PLK4: variants seen among roughly 807,000 people sequenced by gnomAD.
The protein encoded by PLK4 is polo like kinase 4.
PLK4 carries 51 observed loss-of-function variants against 103.0 expected under a neutral mutation model. The ratio of observed to expected loss-of-function variants is 0.50; its 90% confidence interval spans 0.40 to 0.63. The LOEUF is 0.63. Among genes scored for constraint, PLK4 ranks in the 20% least tolerant of loss-of-function variants. The pLI is 0.00. For missense variants in PLK4, 1,054 were observed against 1,151.0 expected (o/e 0.92, Z 1.22); for synonymous variants, 389 against 376.8 (o/e 1.03, Z -0.38).
Position 127,897,917 on chromosome 4 carries a change from C to T in PLK4, c.2811-522C>T, listed in dbSNP as rs1263790703. Among the ~76,000 whole-genome samples the T allele has an allele frequency of 2.3e-5, 3 of 129,434 alleles. No individual in the cohort carries two copies. The East Asian group carries it at 7.2e-4, about 31-fold the overall frequency. The allele number at this position is 129,434 out of a possible 152,430, so 84.9% of individuals were successfully genotyped here. ...GTTAGTGGTGCGACTTGGCTCACTG[C>T]AACTTCTGCCTCCTGGGTTCAAGCA... On this transcript the variant is annotated intron_variant, in intron 15 of 15. Coordinates refer to ENST00000270861, the MANE Select transcript of PLK4 (RefSeq NM_014264.5).
chr4:127,886,771 T>C lies in PLK4; in HGVS notation c.1358+43T>C, dbSNP rs762067355. On this transcript the variant is annotated intron_variant, in intron 5 of 15. Coordinates refer to ENST00000270861, the MANE Select transcript of PLK4 (RefSeq NM_014264.5). ...AGAGGCATTTTGTTTTTTGGTAACA[T>C]TATACTAGTATAAATATGAAGCTGC... 18 of 1,220,462 alleles carry C rather than the reference T, an allele frequency of 1.5e-5. 1 individual carries two copies. The highest frequency in any genetic ancestry group is 1.4e-4 in the East Asian group (6 of 42,768). The allele number at this position is 1,220,462 out of a possible 1,614,324, so 75.6% of individuals were successfully genotyped here.
chr4:127,894,854 A>T lies in PLK4; in HGVS notation c.2563-99A>T. 5.3e-6 allele frequency: 4 copies of T among 757,682 alleles called. No individual in the cohort carries two copies. In the South Asian group the frequency reaches 1.6e-4, roughly 30 times the overall value. The allele number at this position is 757,682 out of a possible 1,614,324, so 46.9% of individuals were successfully genotyped here. ...GTTAAAAAATGTTTGTTTTTAAAAAAATTAAGCTAATGAAAAATCTCATAA... is the reference window on the plus strand; with the variant it reads ...GTTAAAAAATGTTTGTTTTTAAAAATATTAAGCTAATGAAAAATCTCATAA... On this transcript the variant is annotated intron_variant, in intron 13 of 15. Coordinates refer to ENST00000270861, the MANE Select transcript of PLK4 (RefSeq NM_014264.5).
At position 127,895,039 on chromosome 4, in the gene PLK4, A is replaced by G. The variant is rs751406789; in HGVS notation, c.2649A>G (p.Lys883=). The G allele has an allele frequency of 1.9e-6, 3 of 1,612,720 alleles. No individual in the cohort carries two copies. The highest frequency in any genetic ancestry group is 2.2e-5 in the South Asian group (2 of 90,894). The change falls in exon 14 of 16, where the codon AAA becomes AAG. Residue 883 remains lysine, a synonymous_variant. Transcript: ENST00000270861. ...ATAGTCTAAAAGATTGTCTTCCTAA[A>G]TCAGCACAACTTTTGAAATCTGTTT... The part of the protein sequence containing the change: ...SSNSLKDCLP[K]SAQLLKSVFV...
At chr4:127,881,592 G>A (rs960801864) in intron 1 of PLK4, among the ~76,000 whole-genome samples, 5 of 152,110 alleles carry the variant, frequency 3.3e-5, no homozygotes, top group Admixed American at 6.5e-5. Context: ...TGAGGTTGAG[G>A]AACCAGATCA....
chr4:127,881,918 A>C lies in PLK4; in HGVS notation c.118A>C (p.Ile40Leu). The C allele has an allele frequency of 6.4e-7, 1 of 1,563,948 alleles. No individual in the cohort carries two copies. The highest frequency in any genetic ancestry group is 8.8e-7 in the Non-Finnish European group (1 of 1,134,196). ...ESIHTGLEVAIKMIDKKAMYK... is the reference protein window; with the variant it reads ...ESIHTGLEVALKMIDKKAMYK... ...CATTCACACTGGTTTGGAAGTTGCAATCAAAATGGTAAGAATAAACTAATC... is the reference window on the plus strand; with the variant it reads ...CATTCACACTGGTTTGGAAGTTGCACTCAAAATGGTAAGAATAAACTAATC... Residue 40 changes from isoleucine (I) to leucine (L), a missense_variant, in exon 2 of 16, where the codon ATC becomes CTC. Physicochemically the swap from Ile to Leu is conservative, Grantham distance 5. Around this residue, in one of 4 missense-constraint regions of PLK4, gnomAD observed 199 missense variants for 270.1 expected, o/e 0.74. Transcript: ENST00000270861.
rs943317577 is a variant in PLK4 at position 127,886,623 on chromosome 4, A to G, written c.1253A>G (p.Glu418Gly). ...AGATCAGGAGGAGGTGAAAATGAAG[A>G]GAGGTACTCACCCACAGACAACAAT... is the stretch of plus-strand genomic sequence containing the variant. The part of the protein sequence containing the change: ...SKRSGGGENE[E>G]RYSPTDNNAN... Residue 418 changes from glutamate (E) to glycine (G), a missense_variant, in exon 5 of 16, where the codon GAG becomes GGG. Physicochemically the swap from Glu to Gly is moderately conservative, Grantham distance 98 (BLOSUM62 -2). Coordinates refer to ENST00000270861, the MANE Select transcript of PLK4 (RefSeq NM_014264.5). The G allele has an allele frequency of 7.4e-6, 12 of 1,613,422 alleles. No homozygotes were observed. Among genetic ancestry groups the G allele is most frequent in the Non-Finnish European group, 1.0e-5 (12 of 1,179,410 alleles).
chr4:127,887,816 A>G (rs1735191728), intron 6 of PLK4, among the ~76,000 whole-genome samples: 1 of 146,308 alleles, frequency 6.8e-6, no homozygotes, highest in Non-Finnish European at 1.5e-5. Context: ...TCAAGGCCGC[A>G]GTGAGCTATG....
chr4:127,882,293 C>G (rs767418514), intron 2 of PLK4, among the ~76,000 whole-genome samples: 5 of 152,112 alleles, frequency 3.3e-5, no homozygotes, highest in African/African-American at 4.8e-5. Context: ...TAGAAGTCAG[C>G]CTAATAGGAG....
At chr4:127,881,455 G>A (rs1180142902) in intron 1 of PLK4, 2 of 1,266,962 alleles carry the variant, frequency 1.6e-6, no homozygotes, top group East Asian at 2.8e-5. Context: ...TTAGAGCAGG[G>A]CAGGGCTACC....
intron 9 of PLK4, 49 bp from the exon 10 acceptor site, chr4:127,892,316 T>C (rs1370051169): frequency 8.3e-7 from 1 of 1,204,460 alleles, no homozygotes; most frequent in South Asian, 1.3e-5. Context: ...TAAAACTGTA[T>C]GTCAGGTCAA....
At chr4:127,885,351 C>T (rs527570043) in intron 4 of PLK4, among the ~76,000 whole-genome samples, 12 of 151,490 alleles carry the variant, frequency 7.9e-5, no homozygotes, top group South Asian at 2.1e-4. Context: ...CGGTGGCGGG[C>T]GCCTGTAGTC....
In PLK4 at chr4:127,886,563, G is replaced by T; in HGVS notation, c.1193G>T (p.Arg398Leu). ...CAAGCAAAAACATATACAATGGAAC[G>T]ATGTCACTCAGCAGAAATGCTTTCA... ...QSQAKTYTME[R>L]CHSAEMLSVS... The change falls in exon 5 of 16, where the codon CGA becomes CTA. Residue 398 changes from arginine to leucine, a missense_variant. Physicochemically the swap from Arg to Leu is moderately radical, Grantham distance 102 (BLOSUM62 -2). Transcript: ENST00000270861. 1 of 1,614,056 alleles carries T rather than the reference G, an allele frequency of 6.2e-7. No homozygotes were observed. Among genetic ancestry groups the T allele is most frequent in the Non-Finnish European group, 8.5e-7 (1 of 1,179,976 alleles).
rs1481284246 is a variant in PLK4 at position 127,883,450 on chromosome 4, T to C, written c.234T>C (p.Tyr78=). The change falls in exon 4 of 16, where the codon TAT becomes TAC. Residue 78 remains tyrosine, a synonymous_variant. Transcript: ENST00000270861. ...KHPSILELYN[Y]FEDSNYVYLV... ...CTTTCACATTTCAGCTTTATAACTA[T>C]TTTGAAGATAGCAATTATGTGTATC... The C allele has an allele frequency of 7.4e-6, 11 of 1,489,516 alleles. No individual in the cohort carries two copies. The highest frequency in any genetic ancestry group is 8.4e-6 in the Non-Finnish European group (9 of 1,068,564). 92.3% of individuals were successfully genotyped at this position (1,489,516 alleles called of 1,614,324 possible).
chr4:127,885,748 T>A lies in PLK4; in HGVS notation c.378T>A (p.Tyr126Ter). 6.2e-7 allele frequency: 1 copy of A among 1,613,496 alleles called. No individual in the cohort carries two copies. The highest frequency in any genetic ancestry group is 2.2e-5 in the East Asian group (1 of 44,880). Residue 126 changes from tyrosine (Y) to a stop codon, truncating the protein, a stop_gained, in exon 5 of 16, where the codon TAT becomes TAA. Transcript: ENST00000270861. LOFTEE classifies it high-confidence loss of function. ...FMHQIITGML[Y>*]LHSHGILHRD... ...ACCAGATCATCACAGGGATGTTGTA[T>A]CTTCATTCTCATGGTATACTACACC...
intron 6 of PLK4, among the ~76,000 whole-genome samples, chr4:127,889,326 A>T (rs1487207232): frequency 1.3e-5 from 2 of 152,154 alleles, no homozygotes; most frequent in Non-Finnish European, 2.9e-5. Context: ...TTACTTTTTT[A>T]AAAAATGCTG....
At chr4:127,892,109 T>C in intron 9 of PLK4, 1 of 277,086 alleles carries the variant, frequency 3.6e-6, no homozygotes, top group Non-Finnish European at 6.7e-6. Context: ...TATGTGGCTT[T>C]TGAGCTTTGA....
At chr4:127,897,725 T>C (rs1735621089) in intron 15 of PLK4, among the ~76,000 whole-genome samples, 1 of 151,856 alleles carries the variant, frequency 6.6e-6, no homozygotes, top group Non-Finnish European at 1.5e-5. Context: ...AGGATACATG[T>C]TGACATTTTA....
At chr4:127,892,149 A>G in intron 9 of PLK4, 2 of 350,998 alleles carry the variant, frequency 5.7e-6, no homozygotes, top group South Asian at 1.2e-4. Flanking sequence ...ATGATTATTT[A>G]TAATTATAGT....
rs1445293957 is a variant in PLK4, at chr4:127,881,938, C to G, written c.126+12C>G. On this transcript the variant is annotated intron_variant, in intron 2 of 15. Transcript: ENST00000270861. ...TTGCAATCAAAATGGTAAGAATAAA[C>G]TAATCAACTTCTCTCCTGTACTTTG... 2.8e-6 allele frequency: 4 copies of G among 1,411,030 alleles called. No homozygotes were observed. The highest frequency in any genetic ancestry group is 3.5e-4 in the Middle Eastern group (2 of 5,706). The allele number at this position is 1,411,030 out of a possible 1,614,324, so 87.4% of individuals were successfully genotyped here.
Sources: allele counts gnomAD v4.1 joint callset (sites outside exome capture counted in the v4.1 genomes callset), GRCh38; gene constraint gnomAD v4.1.1; regional missense constraint gnomAD v4.1.1; transcripts MANE v1.5; gene names NCBI Gene and HGNC (gene_info 2026-07-23, HGNC 2026-07-21).